WNK2: variants seen among roughly 807,000 people sequenced by gnomAD.
WNK2 encodes serine/threonine-protein kinase WNK2.
WNK2 carries 67 observed loss-of-function variants against 192.1 expected under a neutral mutation model. The observed-to-expected ratio is 0.35, with a 90% CI of 0.29 to 0.43. WNK2 has a LOEUF of 0.43. Ranked by LOEUF, WNK2 falls within the 20% of genes least tolerant of loss-of-function variation. The pLI, the probability that WNK2 is intolerant of heterozygous loss-of-function variation, is 1.00. For synonymous variants in WNK2, 1,439 were observed against 1,393.9 expected (o/e 1.03, Z -0.72); for missense variants, 2,698 against 3,089.7 (o/e 0.87, Z 3.01).
intron 16 of WNK2, among the ~76,000 whole-genome samples, chr9:93,266,165 C>T (rs1845136856): frequency 6.6e-6 from 1 of 152,142 alleles, no homozygotes; most frequent in Non-Finnish European, 1.5e-5. Flanking sequence ...GGGTGTGTGG[C>T]CTGTGGGACA....
Position 93,184,956 on chromosome 9 carries a change from C to A in WNK2, c.27C>A (p.Asp9Glu). The A allele has an allele frequency of 8.1e-7, 1 of 1,231,066 alleles. No homozygotes were observed. The highest frequency in any genetic ancestry group is 3.2e-5 in the East Asian group (1 of 30,800). The allele number at this position is 1,231,066 out of a possible 1,614,324, so 76.3% of individuals were successfully genotyped here. Residue 9 changes from aspartate (D) to glutamate (E), a missense_variant, in exon 2 of 30, where the codon GAC becomes GAA. Asp to Glu is a conservative substitution (Grantham distance 45, BLOSUM62 2). Coordinates refer to ENST00000427277, the MANE Select transcript of WNK2 (RefSeq NM_006648.4). MDGDGGRRDVPGTLMEPGR... is the reference protein window; with the variant it reads MDGDGGRREVPGTLMEPGR... Reference sequence around the variant, plus strand: ...TGGACGGCGATGGCGGCCGCCGAGACGTCCCCGGCACGCTGATGGAGCCCG... The same window carrying A: ...TGGACGGCGATGGCGGCCGCCGAGAAGTCCCCGGCACGCTGATGGAGCCCG...
intron 2 of WNK2, among the ~76,000 whole-genome samples, chr9:93,210,387 G>A (rs1470591018): frequency 6.6e-6 from 1 of 152,082 alleles, no homozygotes; most frequent in Non-Finnish European, 1.5e-5. Context: ...GTGAGCCTGG[G>A]GCAGACCACT....
At position 93,247,866 on chromosome 9, in the gene WNK2, A is replaced by T. The variant is rs1306406382; in HGVS notation, c.1834+32A>T. On this transcript the variant is annotated intron_variant, in intron 8 of 29. Transcript: ENST00000427277. The surrounding 1 kb of genome is among the most constrained non-coding windows in gnomAD (Gnocchi z 5.2). The stretch of plus-strand genomic sequence containing the variant: ...GCTCAGGGGTGGGATGGCCATGGGC[A>T]CCCCTCCCACCTACCCTGCAAAAAC... 1.3e-6 allele frequency: 2 copies of T among 1,526,862 alleles called. No individual in the cohort carries two copies. Among genetic ancestry groups the T allele is most frequent in the African/African-American group, 2.8e-5 (2 of 72,668 alleles). 94.6% of individuals were successfully genotyped at this position (1,526,862 alleles called of 1,614,324 possible).
At chr9:93,220,463 C>T (rs938105726) in intron 2 of WNK2, among the ~76,000 whole-genome samples, 1 of 152,188 alleles carries the variant, frequency 6.6e-6, no homozygotes, top group Non-Finnish European at 1.5e-5. Context: ...GAGGAGACCT[C>T]CGACCTTTCC....
chr9:93,260,793 G>A (rs1844099989), intron 12 of WNK2, among the ~76,000 whole-genome samples: 1 of 152,222 alleles, frequency 6.6e-6, no homozygotes, highest in South Asian at 2.1e-4. Flanking sequence ...GGTCCCAGCA[G>A]GTTTCAGCGG....
At chr9:93,188,725 T>A (rs1465186590) in intron 2 of WNK2, among the ~76,000 whole-genome samples, 1 of 152,200 alleles carries the variant, frequency 6.6e-6, no homozygotes, top group Non-Finnish European at 1.5e-5. Context: ...GGGCTCCGTG[T>A]CGGCTCTGGG....
At chr9:93,280,957 G>T (rs1163619135) in intron 19 of WNK2, among the ~76,000 whole-genome samples, 1 of 152,182 alleles carries the variant, frequency 6.6e-6, no homozygotes, top group African/African-American at 2.4e-5. Context: ...TAATTATGCT[G>T]AATGAAAAGA....
At chr9:93,231,133 C>G in intron 4 of WNK2, 25 bp downstream of exon 4, 1 of 1,605,448 alleles carries the variant, frequency 6.2e-7, no homozygotes, top group African/African-American at 1.3e-5. Context: ...CCTCCCCAGG[C>G]CCTTGGAGCC....
In WNK2 at chr9:93,185,571, C is replaced by T. The variant is rs372741651; in HGVS notation, c.642C>T (p.Asp214=). The T allele has an allele frequency of 2.4e-5, 38 of 1,612,776 alleles. No individual in the cohort carries two copies. Among genetic ancestry groups the T allele is most frequent in the Middle Eastern group, 3.3e-4 (2 of 6,054 alleles). Reference sequence around the variant, plus strand: ...TCAAGACGGTCTACAAGGGGCTGGACACGGAGACCTGGGTGGAGGTGGCCT... The same window carrying T: ...TCAAGACGGTCTACAAGGGGCTGGATACGGAGACCTGGGTGGAGGTGGCCT... The part of the protein sequence containing the change: ...GSFKTVYKGL[D]TETWVEVAWC... Residue 214 remains aspartate, a synonymous_variant, in exon 2 of 30, where the codon GAC becomes GAT. Coordinates refer to ENST00000427277, the MANE Select transcript of WNK2 (RefSeq NM_006648.4).
At chr9:93,231,968 T>C (rs1838891623) in intron 4 of WNK2, among the ~76,000 whole-genome samples, 1 of 152,144 alleles carries the variant, frequency 6.6e-6, no homozygotes, top group East Asian at 1.9e-4. Context: ...CAGCTGTTTC[T>C]GGGGCCAGGA....
chr9:93,280,750 G>T (rs1268047168), intron 19 of WNK2, among the ~76,000 whole-genome samples: 2 of 152,162 alleles, frequency 1.3e-5, no homozygotes, highest in African/African-American at 4.8e-5. Flanking sequence ...ACTATTCCTT[G>T]TCTACTGGCA....
At chr9:93,224,339 G>A (rs1357551789) in intron 2 of WNK2, among the ~76,000 whole-genome samples, 1 of 152,218 alleles carries the variant, frequency 6.6e-6, no homozygotes, top group East Asian at 1.9e-4. Context: ...GACTGTTCTG[G>A]CAGAGCAGGT....
chr9:93,275,571 A>G (rs943612358), intron 19 of WNK2, among the ~76,000 whole-genome samples: 7 of 152,226 alleles, frequency 4.6e-5, no homozygotes, highest in East Asian at 3.8e-4. Context: ...GTTTTCACCT[A>G]TCTTATTCAG....
At position 93,288,999 on chromosome 9, in the gene WNK2, C is replaced by T. The variant is rs1476673435; in HGVS notation, c.4245C>T (p.Ser1415=). ...CAGAGCCAGCGTCAGGAACTGCCAGCCAGGCAGGGGGTCCAGGGACACCTC... is the reference window on the plus strand; with the variant it reads ...CAGAGCCAGCGTCAGGAACTGCCAGTCAGGCAGGGGGTCCAGGGACACCTC... The part of the protein sequence containing the change: ...TMPEPASGTA[S]QAGGPGTPQG... The change falls in exon 20 of 30, where the codon AGC becomes AGT. Residue 1415 remains serine (S), a synonymous_variant. Transcript: ENST00000427277. 12 of 1,601,266 alleles carry T rather than the reference C, an allele frequency of 7.5e-6. No individual in the cohort carries two copies. The highest frequency in any genetic ancestry group is 9.4e-6 in the Non-Finnish European group (11 of 1,173,992).
intron 7 of WNK2, among the ~76,000 whole-genome samples, chr9:93,246,329 C>T (rs1205048622): frequency 6.6e-6 from 1 of 152,200 alleles, no homozygotes; most frequent in African/African-American, 2.4e-5. Context: ...GCGCTGCATT[C>T]CTGTCCTGGC....
chr9:93,191,740 A>G (rs569832583), intron 2 of WNK2, among the ~76,000 whole-genome samples: 1 of 152,142 alleles, frequency 6.6e-6, no homozygotes, highest in Non-Finnish European at 1.5e-5. Flanking sequence ...TAGAGAAGGT[A>G]GGAATCGTCC....
intron 2 of WNK2, among the ~76,000 whole-genome samples, chr9:93,198,391 G>A (rs1831664992): frequency 6.6e-6 from 1 of 152,216 alleles, no homozygotes; most frequent in South Asian, 2.1e-4. Flanking sequence ...GGACCCACCT[G>A]TTGCCCATCC....
chr9:93,195,226 G>C (rs546598321), intron 2 of WNK2, among the ~76,000 whole-genome samples: 1 of 152,216 alleles, frequency 6.6e-6, no homozygotes, highest in African/African-American at 2.4e-5. Flanking sequence ...CATCAATATT[G>C]GTTCATCAGT....
chr9:93,246,200 G>A (rs1003111179), intron 7 of WNK2, among the ~76,000 whole-genome samples: 1 of 152,206 alleles, frequency 6.6e-6, no homozygotes, highest in Non-Finnish European at 1.5e-5. Context: ...GCCAGCGGGA[G>A]GCCCTCAGCA....
Sources: gnomAD v4.1 joint callset for allele counts (sites outside exome capture counted in the v4.1 genomes callset) on GRCh38, gnomAD v4.1.1 for gene constraint, Gnocchi (gnomAD v3.1) non-coding constraint, MANE v1.5 for transcripts, NCBI Gene and HGNC (gene_info 2026-07-23, HGNC 2026-07-21) for gene names.